ATP11C: variants seen among roughly 807,000 people sequenced by gnomAD.
The protein encoded by ATP11C is ATPase phospholipid transporting 11C (ATP11C blood group).
A neutral mutation model predicts 97.4 loss-of-function variants in ATP11C; 36 were observed. That is an observed-to-expected ratio of 0.37 (90% CI 0.28 to 0.49). ATP11C has a LOEUF of 0.49. Ranked by LOEUF, ATP11C falls within the 20% of genes least tolerant of loss-of-function variation. ATP11C has a pLI of 0.98. For synonymous variants in ATP11C, 275 were observed against 290.9 expected (o/e 0.95, Z 0.56); for missense variants, 730 against 824.6 (o/e 0.89, Z 1.40).
chrX:139,744,250 T>A (rs1217929420), intron 25 of ATP11C, among the ~76,000 whole-genome samples: 1 of 111,069 alleles, frequency 9.0e-6, no homozygotes, highest in Non-Finnish European at 1.9e-5. Context: ...TTCAAAAAAA[T>A]AAAAACAAAA....
chrX:139,917,958 A>C (rs1481661243), intron 1 of ATP11C, among the ~76,000 whole-genome samples: 1 of 8,134 alleles, frequency 1.2e-4, no homozygotes, highest in East Asian at 0.031. Flanking sequence ...TTTGTCTCAA[A>C]AAAAAAAAAA....
At chrX:139,749,775 T>C (rs926527602) in intron 24 of ATP11C, among the ~76,000 whole-genome samples, 1 of 112,044 alleles carries the variant, frequency 8.9e-6, no homozygotes, top group African/African-American at 3.2e-5. Flanking sequence ...TATGACAATA[T>C]AGTTTCAAGT....
chrX:139,932,401 G>C lies in ATP11C; in HGVS notation c.-359C>G, dbSNP rs943234263. On this transcript the variant is annotated 5_prime_UTR_variant, in exon 1 of 30. Transcript: ENST00000682941. ...GGGAAGGATGGCGGAGGAGCGCGAG[G>C]CTCCTCCTGTGGGGAGGGGGCGCCC... 5.5e-5 allele frequency: 6 copies of C among 109,803 alleles called. No homozygotes were observed. The highest frequency in any genetic ancestry group is 2.0e-4 in the African/African-American group (6 of 30,438). The allele number at this position is 109,803 out of a possible 1,213,427, so 9.0% of individuals were successfully genotyped here.
At chrX:139,900,591 T>C (rs1443471572) in intron 1 of ATP11C, among the ~76,000 whole-genome samples, 2 of 111,680 alleles carry the variant, frequency 1.8e-5, no homozygotes, top group Non-Finnish European at 3.8e-5. Context: ...AGAACCCTTA[T>C]TTTTTAAAGT....
intron 1 of ATP11C, 118 bp downstream of exon 1, chrX:139,931,898 G>C (rs1021101608): frequency 2.2e-5 from 19 of 880,847 alleles, no homozygotes; most frequent in East Asian, 1.6e-4. Context: ...GAAGAAGAGG[G>C]GTGGTGGTGT....
intron 1 of ATP11C, among the ~76,000 whole-genome samples, chrX:139,901,286 C>T (rs1255169666): frequency 8.9e-6 from 1 of 111,735 alleles, no homozygotes. Flanking sequence ...TGGAAGTTGA[C>T]TGGAATCGAC....
chrX:139,831,452 A>G (rs1208137796), intron 1 of ATP11C, among the ~76,000 whole-genome samples: 1 of 111,505 alleles, frequency 9.0e-6, no homozygotes, highest in East Asian at 2.8e-4. Context: ...GAGGATTTGG[A>G]TAAGAACAAT....
chrX:139,803,791 C>A lies in ATP11C; in HGVS notation c.555+680G>T, dbSNP rs936594294. Reference sequence around the variant, plus strand: ...TTGGCTCACTGCAACCTCCATCTCCCGGGCTCAAGCAATTCTATTGCCTCA... The same window carrying A: ...TTGGCTCACTGCAACCTCCATCTCCAGGGCTCAAGCAATTCTATTGCCTCA... On this transcript the variant is annotated intron_variant, in intron 6 of 29. Coordinates refer to ENST00000682941, the MANE Select transcript of ATP11C (RefSeq NM_001353812.2). 1.5e-4 allele frequency among the ~76,000 whole-genome samples: 15 copies of A among 99,529 alleles called. 1 individual carries two copies. The East Asian group carries it at 3.9e-3, about 26-fold the overall frequency. 86.4% of individuals were successfully genotyped at this position (99,529 alleles called of 115,157 possible).
chrX:139,887,906 GGTTTCA>G (rs2084669067), intron 1 of ATP11C, among the ~76,000 whole-genome samples: 1 of 104,275 alleles, frequency 9.6e-6, no homozygotes, highest in Non-Finnish European at 2.0e-5. Context: ...AGGAGGCGGA[GGTTTCA>G]GTGAGCCGAG....
intron 18 of ATP11C, among the ~76,000 whole-genome samples, chrX:139,777,868 CTT>C (rs1192745818): frequency 1.9e-5 from 2 of 103,509 alleles, no homozygotes; most frequent in African/African-American, 7.0e-5. Flanking sequence ...GTAGTTTGGC[CTT>C]TTTTTTTTTA....
At chrX:139,791,656 T>C (rs2082692491) in intron 12 of ATP11C, among the ~76,000 whole-genome samples, 1 of 111,277 alleles carries the variant, frequency 9.0e-6, no homozygotes, top group South Asian at 3.8e-4. Context: ...CTGCTGGTCC[T>C]AGGATCATAT....
chrX:139,847,607 G>A (rs926734696), intron 1 of ATP11C, among the ~76,000 whole-genome samples: 1 of 109,093 alleles, frequency 9.2e-6, no homozygotes, highest in Non-Finnish European at 1.9e-5. Flanking sequence ...AGAGGCTGAG[G>A]CAGGATGATC....
rs1011028783 is a variant in ATP11C, at chrX:139,799,336, G to A, written c.711-593C>T. 4.5e-5 allele frequency among the ~76,000 whole-genome samples: 5 copies of A among 111,459 alleles called. No homozygotes were observed. The Admixed American group carries it at 4.8e-4, about 11-fold the overall frequency. ...ACAATTCGTATACATAAAACAATTC[G>A]TTTTAATGAAGCCTTTCATTTTACG... On this transcript the variant is annotated intron_variant, in intron 8 of 29. Coordinates refer to ENST00000682941, the MANE Select transcript of ATP11C (RefSeq NM_001353812.2).
intron 21 of ATP11C, 104 bp from the exon 22 acceptor site, chrX:139,762,210 CAATT>C (rs758282161): frequency 1.3e-5 from 9 of 666,780 alleles, no homozygotes; most frequent in South Asian, 4.3e-5. Context: ...TCAATTCTAT[CAATT>C]AGTTTTCCTT....
rs2082499329 is a variant in ATP11C at position 139,783,154 on chromosome X, A to T, written c.1770+10T>A. The stretch of plus-strand genomic sequence containing the variant: ...CTTACTTATTGGTGGGGGAAGGAGT[A>T]TAGGCTCACCATTGCATTACGTTCC... On this transcript the variant is annotated intron_variant, in intron 17 of 29. Coordinates refer to ENST00000682941, the MANE Select transcript of ATP11C (RefSeq NM_001353812.2). The T allele has an allele frequency of 8.6e-7, 1 of 1,157,299 alleles. No homozygotes were observed. The highest frequency in any genetic ancestry group is 1.9e-5 in the South Asian group (1 of 53,788).
chrX:139,768,254 A>T lies in ATP11C; in HGVS notation c.2391+6T>A. ...GAATGGAACGTTAACTAATATTCAC[A>T]GTTACCTGGGCTTTCTGTAATGGTG... is the stretch of plus-strand genomic sequence containing the variant. On this transcript the variant is annotated splice_donor_region_variant and intron_variant, in intron 20 of 29. Coordinates refer to ENST00000682941, the MANE Select transcript of ATP11C (RefSeq NM_001353812.2). 9.3e-7 allele frequency: 1 copy of T among 1,069,643 alleles called. No homozygotes were observed. Among genetic ancestry groups the T allele is most frequent in the East Asian group, 3.3e-5 (1 of 30,523 alleles). The allele number at this position is 1,069,643 out of a possible 1,213,427, so 88.2% of individuals were successfully genotyped here.
At chrX:139,835,247 TAA>T (rs1351555356) in intron 1 of ATP11C, among the ~76,000 whole-genome samples, 2 of 112,020 alleles carry the variant, frequency 1.8e-5, no homozygotes, top group African/African-American at 6.5e-5. Flanking sequence ...TAAAGCTTAA[TAA>T]AGAGAGGCAA....
chrX:139,783,311 G>C (rs2148718953), intron 16 of ATP11C, 44 bp from the exon 17 acceptor site: 1 of 985,275 alleles, frequency 1.0e-6, no homozygotes, highest in Non-Finnish European at 1.4e-6. Context: ...TTTTAAGGCT[G>C]GTATTGTGGT....
rs1376181408 is a variant in ATP11C at position 139,741,111 on chromosome X, CA to C, written c.3031-18del. ...CAAGGCAAGCTGAAAAGATACAACA[CA>C]AAAGATTTCACGACGGTTACGAATT... On this transcript the variant is annotated intron_variant, in intron 26 of 29. Coordinates refer to ENST00000682941, the MANE Select transcript of ATP11C (RefSeq NM_001353812.2). 1.1e-5 allele frequency: 12 copies of C among 1,057,426 alleles called. No homozygotes were observed. The highest frequency in any genetic ancestry group is 1.5e-5 in the Non-Finnish European group (11 of 756,613). 87.1% of individuals were successfully genotyped at this position (1,057,426 alleles called of 1,213,427 possible).
Sources: allele counts gnomAD v4.1 joint callset (sites outside exome capture counted in the v4.1 genomes callset), GRCh38; gene constraint gnomAD v4.1.1; transcripts MANE v1.5; gene names NCBI Gene and HGNC (gene_info 2026-07-23, HGNC 2026-07-21).